PDK1: variants seen among roughly 807,000 people sequenced by gnomAD.
PDK1 encodes pyruvate dehydrogenase kinase 1, also known as [Pyruvate dehydrogenase (acetyl-transferring)] kinase isozyme 1, mitochondrial.
Under a neutral mutation model 54.2 loss-of-function variants are expected in PDK1, and 39 were observed. That is an observed-to-expected ratio of 0.72 (90% CI 0.56 to 0.94). The LOEUF (loss-of-function observed/expected upper bound fraction) is 0.94, where lower values mean the gene tolerates loss of function less well. Ranked by LOEUF, PDK1 falls within the 40% of genes least tolerant of loss-of-function variation. The pLI, the probability that PDK1 is intolerant of heterozygous loss-of-function variation, is 0.00. For missense variants in PDK1, 552 were observed against 566.0 expected (o/e 0.98, Z 0.25); for synonymous variants, 221 against 207.1 (o/e 1.07, Z -0.58).
chr2:172,620,686 T>A, the PDK1 span, among the ~76,000 whole-genome samples: 1 of 152,152 alleles, frequency 6.6e-6, no homozygotes, highest in African/African-American at 2.4e-5. Flanking sequence ...GCTGTCTTCA[T>A]GATAGTGAGT....
rs1691263241 is a variant in PDK1 at position 172,605,541 on chromosome 2, A to ATTTTTT, written c.*9577_*9578insTTTTTT. On this transcript the variant is annotated 3_prime_UTR_variant, in exon 11 of 11. Transcript: ENST00000282077. ...AGGTGCCTGCCACCATGCCCAGCTA[A>ATTTTTT]TTTTTGTATTTTTAGTAGAGACGGG... 6.6e-6 allele frequency: 1 copy of ATTTTTT among 151,784 alleles called. No homozygotes were observed. The allele number at this position is 151,784 out of a possible 1,614,324, so 9.4% of individuals were successfully genotyped here.
At chr2:172,639,076 G>A in the PDK1 span, among the ~76,000 whole-genome samples, 2 of 152,198 alleles carry the variant, frequency 1.3e-5, no homozygotes, top group Non-Finnish European at 2.9e-5. Context: ...ATGCCGTGCA[G>A]ACTGGTCTCA....
At chr2:172,657,382 T>C in the PDK1 span, among the ~76,000 whole-genome samples, 1 of 101,150 alleles carries the variant, frequency 9.9e-6, no homozygotes, top group Non-Finnish European at 2.4e-5. Context: ...AGGATGAGAA[T>C]GATGACTTCC....
the PDK1 span, among the ~76,000 whole-genome samples, chr2:172,630,803 A>AT: frequency 6.6e-6 from 1 of 151,852 alleles, no homozygotes; most frequent in South Asian, 2.1e-4. Context: ...CTAATTTTTT[A>AT]TTTTTTGGTA....
chr2:172,660,978 A>G, the PDK1 span, among the ~76,000 whole-genome samples: 5 of 152,274 alleles, frequency 3.3e-5, no homozygotes, highest in Middle Eastern at 3.4e-3. Context: ...AATAAGTTTG[A>G]TAATGGTATA....
the PDK1 span, among the ~76,000 whole-genome samples, chr2:172,675,077 G>A: frequency 6.6e-6 from 1 of 152,318 alleles, no homozygotes; most frequent in Middle Eastern, 3.4e-3. Flanking sequence ...CACGAAGCAC[G>A]CTCATAGCAG....
chr2:172,659,451 G>A, the PDK1 span, among the ~76,000 whole-genome samples: 1 of 152,004 alleles, frequency 6.6e-6, no homozygotes, highest in Non-Finnish European at 1.5e-5. Flanking sequence ...TTCTTATGAG[G>A]GCTCCTGTGC....
At chr2:172,561,036 A>C (rs375233510) in intron 2 of PDK1, among the ~76,000 whole-genome samples, 8 of 152,362 alleles carry the variant, frequency 5.3e-5, no homozygotes, top group South Asian at 4.1e-4. Flanking sequence ...TATATATATG[A>C]TAATCAGATG....
At chr2:172,670,629 A>T in the PDK1 span, among the ~76,000 whole-genome samples, 1 of 152,244 alleles carries the variant, frequency 6.6e-6, no homozygotes, top group Non-Finnish European at 1.5e-5. Context: ...TCAAAGAAAT[A>T]GGCATTAAAA....
the PDK1 span, among the ~76,000 whole-genome samples, chr2:172,632,867 C>G: frequency 6.6e-6 from 1 of 151,014 alleles, no homozygotes; most frequent in Admixed American, 6.6e-5. Context: ...GTAGTCCCAG[C>G]TACTCGGGAG....
intron 9 of PDK1, 146 bp from the exon 10 acceptor site, chr2:172,592,789 G>A (rs1690674402): frequency 4.7e-6 from 2 of 422,728 alleles, no homozygotes; most frequent in Non-Finnish European, 8.6e-6. Context: ...CATTGTCAAT[G>A]CTTAAATATT....
chr2:172,561,265 G>A (rs932732027), intron 2 of PDK1, among the ~76,000 whole-genome samples: 3 of 152,196 alleles, frequency 2.0e-5, no homozygotes, highest in Non-Finnish European at 1.5e-5. Flanking sequence ...ATATCTCTTG[G>A]ATGGAGAGCG....
the PDK1 span, among the ~76,000 whole-genome samples, chr2:172,627,258 A>C: frequency 6.6e-6 from 1 of 152,356 alleles, no homozygotes; most frequent in African/African-American, 2.4e-5. Flanking sequence ...GTTTCAATTC[A>C]ACATTCAGAC....
chr2:172,621,820 GAT>G, the PDK1 span, among the ~76,000 whole-genome samples: 29 of 130,384 alleles, frequency 2.2e-4, no homozygotes, highest in African/African-American at 3.2e-4. Flanking sequence ...TCATATGTAT[GAT>G]ATATGTTTAT....
At chr2:172,586,030 G>T (rs1690203816) in intron 8 of PDK1, among the ~76,000 whole-genome samples, 1 of 151,846 alleles carries the variant, frequency 6.6e-6, no homozygotes, top group African/African-American at 2.4e-5. Flanking sequence ...ATGGTGGCAG[G>T]CGCCTGTAGT....
chr2:172,692,468 G>C, the PDK1 span, among the ~76,000 whole-genome samples: 1 of 152,146 alleles, frequency 6.6e-6, no homozygotes, highest in Non-Finnish European at 1.5e-5. Flanking sequence ...AAGTGTAATA[G>C]CCTGTTACTG....
chr2:172,579,274 G>A (rs1689748114), intron 8 of PDK1, among the ~76,000 whole-genome samples: 1 of 152,222 alleles, frequency 6.6e-6, no homozygotes, highest in Middle Eastern at 3.4e-3. Context: ...TTGTACTGGG[G>A]AGCTCAGAGT....
chr2:172,570,680 C>G (rs769058273), intron 7 of PDK1, 46 bp from the exon 8 acceptor site: 2 of 1,151,562 alleles, frequency 1.7e-6, no homozygotes, highest in South Asian at 1.3e-5. Context: ...TACACTTTCT[C>G]TTTTCTAAAA....
the PDK1 span, among the ~76,000 whole-genome samples, chr2:172,635,914 T>A: frequency 2.6e-5 from 4 of 152,244 alleles, no homozygotes; most frequent in Middle Eastern, 3.2e-3. Flanking sequence ...CTGCTTCCCG[T>A]ACCTTGCCTT....
Sources: gnomAD v4.1 joint callset for allele counts (sites outside exome capture counted in the v4.1 genomes callset) on GRCh38, gnomAD v4.1.1 for gene constraint, MANE v1.5 for transcripts, NCBI Gene and HGNC (gene_info 2026-07-23, HGNC 2026-07-21) for gene names.